The following HABP2 variants were observed in gnomAD, a reference collection of about 807,000 sequenced individuals.
HABP2 encodes the protein hyaluronan binding protein 2, also known as factor VII-activating protease.
Under a neutral mutation model 66.5 loss-of-function variants are expected in HABP2, and 65 were observed. The observed-to-expected ratio is 0.98, with a 90% confidence interval of 0.80 to 1.20. The LOEUF (loss-of-function observed/expected upper bound fraction) is 1.20, where lower values mean the gene tolerates loss of function less well. HABP2 is among the 50% of genes most tolerant of loss of function. The pLI, the probability that HABP2 is intolerant of heterozygous loss-of-function variation, is 0.00. For synonymous variants in HABP2, 263 were observed against 253.9 expected (o/e 1.04, Z -0.34); for missense variants, 786 against 691.0 (o/e 1.14, Z -1.54).
chr10:113,584,259 C>T lies in HABP2; in HGVS notation c.1349C>T (p.Ser450Phe), dbSNP rs1845594959. Residue 450 changes from serine (S) to phenylalanine (F), a missense_variant, in exon 11 of 13, where the codon TCT becomes TTT. Coordinates refer to ENST00000351270, the MANE Select transcript of HABP2 (RefSeq NM_004132.5). The stretch of plus-strand genomic sequence containing the variant: ...CCCTCTGGGAGTGAGTGCCACATCT[C>T]TGGCTGGGGTGTTACAGAAACAGGT... The part of the protein sequence containing the change: ...SFPSGSECHI[S>F]GWGVTETGKG... The T allele has an allele frequency of 2.5e-6, 4 of 1,614,000 alleles. No homozygotes were observed. The highest frequency in any genetic ancestry group is 2.5e-6 in the Non-Finnish European group (3 of 1,179,824).
chr10:113,577,991 G>A (rs779506767), intron 5 of HABP2, 35 bp from the exon 6 acceptor site: 2 of 1,609,632 alleles, frequency 1.2e-6, no homozygotes, highest in Admixed American at 1.7e-5. Context: ...AACTCCTTCT[G>A]AAGAGCCTTC....
At chr10:113,564,849 T>TG (rs1845168694) in intron 1 of HABP2, among the ~76,000 whole-genome samples, 1 of 122,090 alleles carries the variant, frequency 8.2e-6, no homozygotes, top group Non-Finnish European at 1.6e-5. Flanking sequence ...CGCATCTCTC[T>TG]CTTTTGTTTT....
At chr10:113,551,918 G>A (rs1165204170), upstream of HABP2, among the ~76,000 whole-genome samples, 3 of 151,950 alleles carry the variant, frequency 2.0e-5, no homozygotes, top group African/African-American at 7.3e-5. Context: ...GGGAGTTGAT[G>A]GCTGCCTAAA....
chr10:113,574,686 G>A (rs184986980), intron 3 of HABP2, among the ~76,000 whole-genome samples: 2 of 152,302 alleles, frequency 1.3e-5, no homozygotes, highest in African/African-American at 4.8e-5. Flanking sequence ...AGTTAATGCA[G>A]CATTGTCCAG....
rs766939405 is a variant in HABP2, at chr10:113,583,296, T to G, written c.1175T>G (p.Val392Gly). Reference protein sequence around the residue: ...KEEFHEQSFRVEKIFKYSHYN... With the variant: ...KEEFHEQSFRGEKIFKYSHYN... ...GAATTTCATGAGCAGAGCTTTAGGG[T>G]GGAGAAGATATTCAAGTACAGCCAC... Residue 392 changes from valine to glycine, a missense_variant, in exon 10 of 13, where the codon GTG becomes GGG. Physicochemically the swap from Val to Gly is moderately radical, Grantham distance 109 (BLOSUM62 -3). Coordinates refer to ENST00000351270, the MANE Select transcript of HABP2 (RefSeq NM_004132.5). 20 of 1,611,142 alleles carry G rather than the reference T, an allele frequency of 1.2e-5. No homozygotes were observed. The highest frequency in any genetic ancestry group is 1.7e-5 in the Non-Finnish European group (20 of 1,177,468).
chr10:113,584,070 T>G lies in HABP2; in HGVS notation c.1238-78T>G, dbSNP rs1845590322. 2.2e-6 allele frequency: 3 copies of G among 1,340,588 alleles called. No homozygotes were observed. In the Admixed American group the frequency reaches 5.2e-5, roughly 23 times the overall value. The allele number at this position is 1,340,588 out of a possible 1,614,324, so 83.0% of individuals were successfully genotyped here. A position where few individuals can be genotyped will look rare whatever the true frequency, so the allele number is the denominator to read the frequency against. The stretch of plus-strand genomic sequence containing the variant: ...AGGTGGGGCTTTGCTGTGGCCACCT[T>G]CATGAGCAAGTTGGAGCTGGTGCTT... On this transcript the variant is annotated intron_variant, in intron 10 of 12. Coordinates refer to ENST00000351270, the MANE Select transcript of HABP2 (RefSeq NM_004132.5).
chr10:113,580,021 C>T (rs1845491708), intron 7 of HABP2, among the ~76,000 whole-genome samples: 1 of 152,142 alleles, frequency 6.6e-6, no homozygotes, highest in African/African-American at 2.4e-5. Context: ...ACCTCATGAT[C>T]CACCTGCCTT....
chr10:113,587,628 T>C (rs1027557808), intron 12 of HABP2, among the ~76,000 whole-genome samples: 8 of 152,192 alleles, frequency 5.3e-5, no homozygotes, highest in Non-Finnish European at 1.2e-4. Context: ...AATGTCTTCT[T>C]CTCCTCACCA....
chr10:113,572,866 C>A, intron 2 of HABP2: 3 of 223,372 alleles, frequency 1.3e-5, no homozygotes, highest in South Asian at 5.0e-5. Context: ...TTGGCGTATT[C>A]AAAAAAGAAA....
intron 7 of HABP2, among the ~76,000 whole-genome samples, chr10:113,579,472 A>G (rs933214205): frequency 3.3e-5 from 5 of 152,214 alleles, no homozygotes; most frequent in Non-Finnish European, 2.9e-5. Context: ...AAATAATCAC[A>G]TGAGCCCACG....
intron 1 of HABP2, among the ~76,000 whole-genome samples, chr10:113,556,936 T>C (rs944275029): frequency 4.0e-5 from 6 of 151,756 alleles, no homozygotes; most frequent in African/African-American, 1.5e-4. Context: ...TGAAGCATCA[T>C]GCCTGGCCCC....
chr10:113,577,077 C>T, intron 4 of HABP2, 73 bp from the exon 5 acceptor site: 1 of 847,300 alleles, frequency 1.2e-6, no homozygotes, highest in South Asian at 1.4e-5. Flanking sequence ...CACCCTCAAA[C>T]ATTGTTTTAT....
chr10:113,588,933 A>AAACT lies in HABP2; in HGVS notation c.*565_*568dup, dbSNP rs1319952313. ...CATCTGAAGCCTGTCTCTGGTGAAC[A>AAACT]AACTTCCTCTCTGGCCTCTCAGGAA... On this transcript the variant is annotated 3_prime_UTR_variant, in exon 13 of 13. Transcript: ENST00000351270. 12 of 1,528,874 alleles carry AAACT rather than the reference A, an allele frequency of 7.8e-6. No homozygotes were observed. The highest frequency in any genetic ancestry group is 1.1e-5 in the Non-Finnish European group (12 of 1,104,150). 94.7% of individuals were successfully genotyped at this position (1,528,874 alleles called of 1,614,324 possible).
At chr10:113,562,441 CTTTTTTTTTTTT>C (rs11396673) in intron 1 of HABP2, among the ~76,000 whole-genome samples, 1 of 121,684 alleles carries the variant, frequency 8.2e-6, no homozygotes, top group Non-Finnish European at 1.6e-5. Flanking sequence ...ATTGGATAAG[CTTTTTTTTTTTT>C]TTTTTTTTTA....
chr10:113,557,064 T>C (rs71483195), intron 1 of HABP2, among the ~76,000 whole-genome samples: 2 of 152,148 alleles, frequency 1.3e-5, no homozygotes, highest in Admixed American at 6.5e-5. Context: ...CGGACCAAGT[T>C]TGGGATGGGC....
intron 12 of HABP2, among the ~76,000 whole-genome samples, chr10:113,588,004 A>C (rs1421561432): frequency 1.3e-5 from 2 of 152,004 alleles, no homozygotes; most frequent in Non-Finnish European, 2.9e-5. Flanking sequence ...TCAGGGACGG[A>C]GGACACTGTT....
chr10:113,578,899 AG>A, intron 7 of HABP2, 101 bp downstream of exon 7: 3 of 812,754 alleles, frequency 3.7e-6, no homozygotes, highest in Non-Finnish European at 6.3e-6. Context: ...TTTCTTACTC[AG>A]CAAGGCAATG....
intron 4 of HABP2, among the ~76,000 whole-genome samples, chr10:113,576,211 C>T (rs1427176951): frequency 6.6e-6 from 1 of 152,212 alleles, no homozygotes; most frequent in African/African-American, 2.4e-5. Context: ...CATCCATTCT[C>T]CAGATGGGAA....
chr10:113,585,120 A>G (rs1214932486), intron 11 of HABP2, among the ~76,000 whole-genome samples: 1 of 152,222 alleles, frequency 6.6e-6, no homozygotes, highest in Non-Finnish European at 1.5e-5. Flanking sequence ...TCTTTTGAGA[A>G]AGATGTCTGG....
Sources: allele counts gnomAD v4.1 joint callset (sites outside exome capture counted in the v4.1 genomes callset), GRCh38; gene constraint gnomAD v4.1.1; transcripts MANE v1.5; gene names NCBI Gene and HGNC (gene_info 2026-07-23, HGNC 2026-07-21).